NUP210L: variants seen among roughly 807,000 people sequenced by gnomAD.
The protein encoded by NUP210L is nucleoporin 210 like.
A neutral mutation model predicts 208.5 loss-of-function variants in NUP210L; 74 were observed. The ratio of observed to expected loss-of-function variants is 0.35; its 90% CI spans 0.29 to 0.43. NUP210L has a LOEUF of 0.43. NUP210L is among the 20% of genes least tolerant of loss of function. The probability of loss-of-function intolerance (pLI) is 1.00; values close to 1 mark genes in which losing one functional copy is unlikely to be tolerated. For synonymous variants in NUP210L, 780 were observed against 816.9 expected (o/e 0.95, Z 0.77); for missense variants, 1,843 against 2,289.4 (o/e 0.81, Z 3.98).
intron 35 of NUP210L, among the ~76,000 whole-genome samples, chr1:154,006,011 C>A (rs887237665): frequency 1.3e-5 from 2 of 152,006 alleles, no homozygotes; most frequent in African/African-American, 4.8e-5. Context: ...CATGAGCCAC[C>A]GCGCCCCGCC....
exon 30 of NUP210L, chr1:154,025,692 A>G: frequency 6.2e-7 from 1 of 1,613,448 alleles, no homozygotes; most frequent in Non-Finnish European, 8.5e-7. Context: ...TGAGAACACG[A>G]GAACTCACGA....
At chr1:154,060,504 T>C (rs770252050) in intron 20 of NUP210L, 36 bp downstream of exon 20, 33 of 1,315,970 alleles carry the variant, frequency 2.5e-5, no homozygotes, top group Non-Finnish European at 3.5e-5. Context: ...AGCTTTGGCC[T>C]GAGACCATCA....
At chr1:154,125,619 CTGAAAGGAAGGAAGGAAGGAAGGAAGGA>C (rs1657858091) in intron 10 of NUP210L, among the ~76,000 whole-genome samples, 1 of 68,274 alleles carries the variant, frequency 1.5e-5, no homozygotes, top group African/African-American at 6.0e-5. Flanking sequence ...GAGGCCCTCT[CTGAAAGGAAGGAAGGAAGGAAGGAAGGA>C]AGGAAGGAAG....
exon 8 of NUP210L, chr1:154,129,319 G>A (rs1658134300): frequency 3.7e-6 from 6 of 1,610,976 alleles, no homozygotes; most frequent in Non-Finnish European, 4.2e-6. Context: ...CAATTTGGGA[G>A]TCCAGACACA....
chr1:154,016,155 C>T (rs1171756300), intron 33 of NUP210L, among the ~76,000 whole-genome samples: 1 of 151,716 alleles, frequency 6.6e-6, no homozygotes, highest in Non-Finnish European at 1.5e-5. Context: ...ACTTTGGAGG[C>T]TGAGGCAGGA....
chr1:154,015,769 T>A (rs1195609701), intron 33 of NUP210L, among the ~76,000 whole-genome samples: 4 of 150,442 alleles, frequency 2.7e-5, no homozygotes, highest in Non-Finnish European at 5.9e-5. Flanking sequence ...ATTAGCCGAG[T>A]GTGGTGGTGT....
chr1:154,152,152 TTTTTA>T (rs549437706), intron 2 of NUP210L, among the ~76,000 whole-genome samples: 26 of 146,594 alleles, frequency 1.8e-4, no homozygotes, highest in Non-Finnish European at 1.8e-4. Flanking sequence ...ATACTCTTCA[TTTTTA>T]TTTTATTTTA....
At chr1:154,147,104 T>C (rs1009353731) in intron 2 of NUP210L, among the ~76,000 whole-genome samples, 2 of 152,132 alleles carry the variant, frequency 1.3e-5, no homozygotes, top group Non-Finnish European at 1.5e-5. Context: ...GAATAGCATA[T>C]ACAAAGGGGA....
chr1:154,110,282 ATT>A (rs1414124275), intron 12 of NUP210L, among the ~76,000 whole-genome samples: 1 of 142,244 alleles, frequency 7.0e-6, no homozygotes, highest in African/African-American at 2.6e-5. Flanking sequence ...CCAATGTTGT[ATT>A]TTTTTTTTTT....
intron 16 of NUP210L, among the ~76,000 whole-genome samples, chr1:154,087,667 G>A (rs1655694825): frequency 6.6e-6 from 1 of 152,140 alleles, no homozygotes; most frequent in Admixed American, 6.5e-5. Flanking sequence ...ATTCATAATA[G>A]CCAAAGGTGG....
chr1:154,046,129 G>A (rs1653162095), exon 27 of NUP210L: 1 of 1,614,106 alleles, frequency 6.2e-7, no homozygotes. Flanking sequence ...AGTGGAATGT[G>A]AGCCCAGGAT....
chr1:154,141,603 C>G, intron 3 of NUP210L, 79 bp from the exon 4 acceptor site: 1 of 836,112 alleles, frequency 1.2e-6, no homozygotes, highest in Non-Finnish European at 2.0e-6. Flanking sequence ...GAAAGGGAAA[C>G]CTAACTAGAA....
rs376486406 is a variant in NUP210L, at chr1:154,038,585, C to T, written c.3696+7484G>A. 4.6e-5 allele frequency among the ~76,000 whole-genome samples: 7 copies of T among 151,974 alleles called. No individual in the cohort carries two copies. In the East Asian group the frequency reaches 1.4e-3, roughly 29 times the overall value. On this transcript the variant is annotated intron_variant, in intron 27 of 39. Transcript: ENST00000368559. ...GTCTCAAACTCCTGACCTCAGGTGA[C>T]CTGCCTGCCTTGGCCTCCCAAAGTA...
At chr1:154,014,645 G>A (rs1651138587) in intron 33 of NUP210L, among the ~76,000 whole-genome samples, 2 of 152,124 alleles carry the variant, frequency 1.3e-5, no homozygotes, top group African/African-American at 4.8e-5. Context: ...GTCACCACTA[G>A]ACTATGAGCT....
At chr1:154,005,720 T>C (rs535054914) in intron 35 of NUP210L, among the ~76,000 whole-genome samples, 126 of 150,614 alleles carry the variant, frequency 8.4e-4, no homozygotes, top group Middle Eastern at 3.4e-3. Flanking sequence ...ATTTTTGTAT[T>C]TTTTTTTCTT....
chr1:154,053,981 T>C (rs540135795), intron 25 of NUP210L, among the ~76,000 whole-genome samples: 97 of 152,312 alleles, frequency 6.4e-4, no homozygotes, highest in African/African-American at 2.3e-3. Context: ...GATAGACATA[T>C]TTGTTTTTCT....
Position 154,019,097 on chromosome 1 carries a change from G to C in NUP210L, c.4517-28C>G. ...AGGAAAAGACAAGAGAAAACACTTG[G>C]CTGAAGCCTTTGATATAAATCACTC... On this transcript the variant is annotated intron_variant, in intron 32 of 39. Transcript: ENST00000368559. The C allele has an allele frequency of 1.9e-6, 3 of 1,612,098 alleles. No homozygotes were observed. The Middle Eastern group carries it at 5.0e-4, about 267-fold the overall frequency.
intron 16 of NUP210L, among the ~76,000 whole-genome samples, chr1:154,087,231 A>G (rs574800677): frequency 6.6e-6 from 1 of 151,798 alleles, no homozygotes; most frequent in East Asian, 1.9e-4. Context: ...GAGGCAAGAG[A>G]ATCATTTGAA....
intron 4 of NUP210L, among the ~76,000 whole-genome samples, chr1:154,141,032 C>G (rs1658832997): frequency 6.6e-6 from 1 of 151,540 alleles, no homozygotes; most frequent in African/African-American, 2.4e-5. Context: ...GATTTATGAG[C>G]CTCTGGCTAA....
Sources: allele counts gnomAD v4.1 joint callset (sites outside exome capture counted in the v4.1 genomes callset), GRCh38; gene constraint gnomAD v4.1.1; transcripts MANE v1.5; gene names NCBI Gene and HGNC (gene_info 2026-07-23, HGNC 2026-07-21).